NR5A2: variants seen among roughly 807,000 people sequenced by gnomAD.
The protein encoded by NR5A2 is CYP7A promoter-binding factor.
A neutral mutation model predicts 62.7 loss-of-function variants in NR5A2; 26 were observed. That is an observed-to-expected ratio of 0.41 (90% CI 0.30 to 0.58). NR5A2 has a LOEUF of 0.58. NR5A2 is among the 20% of genes least tolerant of loss of function. The probability of loss-of-function intolerance (pLI) is 0.22; values close to 1 mark genes in which losing one functional copy is unlikely to be tolerated. For missense variants in NR5A2, 541 were observed against 669.1 expected (o/e 0.81, Z 2.11); for synonymous variants, 246 against 241.7 (o/e 1.02, Z -0.16).
intron 5 of NR5A2, among the ~76,000 whole-genome samples, chr1:200,057,156 T>C (rs1202158473): frequency 6.6e-6 from 1 of 152,198 alleles, no homozygotes; most frequent in Non-Finnish European, 1.5e-5. Context: ...GTAATACAAG[T>C]CCTTTAAGAC....
In NR5A2 at chr1:200,177,368, T is replaced by C. The variant is rs1219702667; in HGVS notation, c.*3158T>C. On this transcript the variant is annotated 3_prime_UTR_variant, in exon 8 of 8. Transcript: ENST00000367362. ...CCAGGAACTTCTCAACAAAATGGAA[T>C]TTTTTTTTTCAGTATTTCAATAAAT... 3.0e-5 allele frequency: 4 copies of C among 131,234 alleles called. No homozygotes were observed. Among genetic ancestry groups the C allele is most frequent in the Non-Finnish European group, 5.1e-5 (3 of 59,062 alleles). The allele number at this position is 131,234 out of a possible 1,614,324, so 8.1% of individuals were successfully genotyped here.
chr1:200,065,006 A>G (rs1300668613), intron 5 of NR5A2, among the ~76,000 whole-genome samples: 5 of 152,134 alleles, frequency 3.3e-5, no homozygotes, highest in Non-Finnish European at 7.4e-5. Flanking sequence ...GCTGGTCTCA[A>G]ACTCCTAGGC....
chr1:200,115,952 G>A (rs997741510), intron 6 of NR5A2, among the ~76,000 whole-genome samples: 6 of 151,136 alleles, frequency 4.0e-5, no homozygotes, highest in Non-Finnish European at 7.4e-5. Flanking sequence ...AACTAAACTC[G>A]CCACCTTTTT....
chr1:200,042,598 C>A (rs1477755117), intron 2 of NR5A2, among the ~76,000 whole-genome samples: 2 of 152,222 alleles, frequency 1.3e-5, no homozygotes, highest in Non-Finnish European at 2.9e-5. Flanking sequence ...CGTGTTTGTG[C>A]GCCGTTGGGT....
At chr1:200,098,722 G>C (rs188664653) in intron 5 of NR5A2, among the ~76,000 whole-genome samples, 1 of 152,194 alleles carries the variant, frequency 6.6e-6, no homozygotes, top group East Asian at 1.9e-4. Context: ...CCTGCGGTGA[G>C]CCTAGTACCA....
intron 7 of NR5A2, among the ~76,000 whole-genome samples, chr1:200,122,419 G>A (rs1160021403): frequency 6.6e-6 from 1 of 152,160 alleles, no homozygotes; most frequent in Non-Finnish European, 1.5e-5. Context: ...AATATTTACA[G>A]GGTCATCTCA....
intron 1 of NR5A2, among the ~76,000 whole-genome samples, chr1:200,031,020 G>A (rs573136613): frequency 6.6e-5 from 10 of 152,266 alleles, no homozygotes; most frequent in South Asian, 2.1e-4. Flanking sequence ...AACCTCCAGC[G>A]AGCTTTATTT....
chr1:200,108,067 C>T (rs1665773287), intron 5 of NR5A2, among the ~76,000 whole-genome samples: 1 of 138,994 alleles, frequency 7.2e-6, no homozygotes, highest in Non-Finnish European at 1.5e-5. Flanking sequence ...GATGAGATGG[C>T]TCTAGAAGAC....
intron 7 of NR5A2, among the ~76,000 whole-genome samples, chr1:200,131,871 A>G (rs145356096): frequency 3.4e-3 from 517 of 152,310 alleles, no homozygotes; most frequent in Middle Eastern, 0.031. Context: ...TTAAATTTCA[A>G]ACAGACCAAT....
chr1:200,127,297 C>G (rs1666745881), intron 7 of NR5A2, among the ~76,000 whole-genome samples: 1 of 152,114 alleles, frequency 6.6e-6, no homozygotes, highest in Non-Finnish European at 1.5e-5. Context: ...CTGTGTGGGT[C>G]CACTTCTGCT....
chr1:200,125,289 C>A (rs942311374), intron 7 of NR5A2, among the ~76,000 whole-genome samples: 3 of 152,224 alleles, frequency 2.0e-5, no homozygotes, highest in East Asian at 1.9e-4. Flanking sequence ...TTGTACAATT[C>A]TTTCTTGGCA....
chr1:200,130,204 T>G (rs1390787840), intron 7 of NR5A2, among the ~76,000 whole-genome samples: 2 of 143,754 alleles, frequency 1.4e-5, no homozygotes, highest in East Asian at 4.1e-4. Flanking sequence ...CCATTTTGCT[T>G]TTTTGCAACA....
intron 5 of NR5A2, among the ~76,000 whole-genome samples, chr1:200,065,954 G>C (rs1663447532): frequency 6.6e-6 from 1 of 152,184 alleles, no homozygotes. Flanking sequence ...GGGGGAAATA[G>C]GGCTCTTGAA....
In NR5A2 at chr1:200,039,841, C is replaced by A. The variant is rs755956195; in HGVS notation, c.202+46C>A. 3 of 1,567,944 alleles carry A rather than the reference C, an allele frequency of 1.9e-6. No homozygotes were observed. Among genetic ancestry groups the A allele is most frequent in the East Asian group, 4.9e-5 (2 of 40,584 alleles). On this transcript the variant is annotated intron_variant, in intron 2 of 7. Coordinates refer to ENST00000367362, the MANE Select transcript of NR5A2 (RefSeq NM_205860.3). This position sits in a 1 kb window ranked among gnomAD's most constrained non-coding sequence, Gnocchi z 5.1. The stretch of plus-strand genomic sequence containing the variant: ...GCTCCGGCTCCCGCTGCTTCCCCAC[C>A]CCCGGGCTCGCCCTGCAGGCTTCAG...
intron 5 of NR5A2, among the ~76,000 whole-genome samples, chr1:200,093,663 T>C (rs1310052445): frequency 6.6e-6 from 1 of 152,204 alleles, no homozygotes; most frequent in Non-Finnish European, 1.5e-5. Context: ...CTTGAATCTC[T>C]TCCAATCTAA....
chr1:200,078,363 A>G (rs1431609804), intron 5 of NR5A2, among the ~76,000 whole-genome samples: 1 of 152,310 alleles, frequency 6.6e-6, no homozygotes, highest in Admixed American at 6.5e-5. Context: ...GCCTGTCTCA[A>G]CCAGTGAATC....
intron 5 of NR5A2, among the ~76,000 whole-genome samples, chr1:200,065,487 C>T (rs929942904): frequency 6.6e-6 from 1 of 152,166 alleles, no homozygotes; most frequent in Non-Finnish European, 1.5e-5. Context: ...CTGATTATTT[C>T]ATAGTTATTA....
rs1243567779 is a variant in NR5A2 at position 200,105,140 on chromosome 1, T to C, written c.1111-6062T>C. Among the ~76,000 whole-genome samples the C allele has an allele frequency of 2.6e-5, 4 of 152,218 alleles. No homozygotes were observed. In the East Asian group the frequency reaches 7.7e-4, roughly 29 times the overall value. Reference sequence around the variant, plus strand: ...TGCCTGGCTTTTTATTTTATTTTTTTGTAGAGATAGGATCTTACTATGTTG... The same window carrying C: ...TGCCTGGCTTTTTATTTTATTTTTTCGTAGAGATAGGATCTTACTATGTTG... On this transcript the variant is annotated intron_variant, in intron 5 of 7. Coordinates refer to ENST00000367362, the MANE Select transcript of NR5A2 (RefSeq NM_205860.3).
chr1:200,035,402 G>T (rs999049908), intron 1 of NR5A2, among the ~76,000 whole-genome samples: 1 of 152,082 alleles, frequency 6.6e-6, no homozygotes, highest in Non-Finnish European at 1.5e-5. Flanking sequence ...AACTTGAACC[G>T]CTCCTGAAAA....
Sources: allele counts gnomAD v4.1 joint callset (sites outside exome capture counted in the v4.1 genomes callset), GRCh38; gene constraint gnomAD v4.1.1; non-coding constraint Gnocchi (gnomAD v3.1); transcripts MANE v1.5; gene names NCBI Gene and HGNC (gene_info 2026-07-23, HGNC 2026-07-21).